The following ZNF678 variants were observed in gnomAD, a reference collection of about 807,000 sequenced individuals.
ZNF678 encodes hypothetical protein MGC42493.
In ZNF678, 5 loss-of-function variants were observed where a neutral mutation model predicts 3.0. The observed-to-expected ratio is 1.69, with a 90% CI of 0.88 to 3.56. ZNF678 has a LOEUF of 3.56. Among genes scored for constraint, ZNF678 ranks in the 30% most tolerant of loss-of-function variants. The probability of loss-of-function intolerance (pLI) is 0.00; values close to 1 mark genes in which losing one functional copy is unlikely to be tolerated. For missense variants in ZNF678, 593 were observed against 605.0 expected, an observed-to-expected ratio of 0.98 and a Z score of 0.21; for synonymous variants, 218 against 199.6, an observed-to-expected ratio of 1.09 and a Z score of -0.78.
In ZNF678 at chr1:227,563,569, T is replaced by C. The variant is rs111500463; in HGVS notation, c.-319T>C. Reference sequence around the variant, plus strand: ...ATCTGGCGGGGCCTTTGTCTTGTGCTCCAGCTGGAGCTTTGGTCCCGTATT... The same window carrying C: ...ATCTGGCGGGGCCTTTGTCTTGTGCCCCAGCTGGAGCTTTGGTCCCGTATT... On this transcript the variant is annotated 5_prime_UTR_variant, in exon 1 of 4. Coordinates refer to ENST00000343776, the MANE Select transcript of ZNF678 (RefSeq NM_001367909.1). 4 of 769,292 alleles carry C rather than the reference T, an allele frequency of 5.2e-6. No individual in the cohort carries two copies. The highest frequency in any genetic ancestry group is 6.0e-6 in the Non-Finnish European group (3 of 501,480). The allele number at this position is 769,292 out of a possible 1,614,324, so 47.7% of individuals were successfully genotyped here.
rs555419560 is a variant in ZNF678, at chr1:227,615,085, A to T, written c.-163-31459A>T. 4.6e-5 allele frequency among the ~76,000 whole-genome samples: 7 copies of T among 152,352 alleles called. No individual in the cohort carries two copies. The South Asian group carries it at 1.4e-3, about 32-fold the overall frequency. The stretch of plus-strand genomic sequence containing the variant: ...GGAACTATAGTACAGAAACATCTTA[A>T]TTATTAGTTACAGCTTGGAATTTGC... On this transcript the variant is annotated intron_variant, in intron 1 of 3. Transcript: ENST00000343776.
intron 1 of ZNF678, among the ~76,000 whole-genome samples, chr1:227,573,831 A>G (rs1443689859): frequency 6.6e-6 from 1 of 152,072 alleles, no homozygotes; most frequent in Non-Finnish European, 1.5e-5. Flanking sequence ...TCCCACTTCT[A>G]CCATCAGATA....
chr1:227,582,330 T>A (rs1289969537), intron 1 of ZNF678, among the ~76,000 whole-genome samples: 1 of 152,084 alleles, frequency 6.6e-6, no homozygotes, highest in Non-Finnish European at 1.5e-5. Context: ...TATATGTGTG[T>A]ATGAGATAGG....
chr1:227,658,320 CT>C lies in ZNF678; in HGVS notation c.*2493del, dbSNP rs1659303229. 2 of 151,968 alleles carry C rather than the reference CT, an allele frequency of 1.3e-5. No homozygotes were observed. Among genetic ancestry groups the C allele is most frequent in the Non-Finnish European group, 2.9e-5 (2 of 67,944 alleles). The allele number at this position is 151,968 out of a possible 1,614,324, so 9.4% of individuals were successfully genotyped here. On this transcript the variant is annotated 3_prime_UTR_variant, in exon 4 of 4. Coordinates refer to ENST00000343776, the MANE Select transcript of ZNF678 (RefSeq NM_001367909.1). ...CAAACACAGGAAAGTGCTAGGTTTCCTGGGGGTATAATAGATGCTCTATAAT... is the reference window on the plus strand; with the variant it reads ...CAAACACAGGAAAGTGCTAGGTTTCCGGGGGTATAATAGATGCTCTATAAT...
downstream of ZNF678, among the ~76,000 whole-genome samples, chr1:227,678,360 G>GT (rs1045816141): frequency 3.8e-4 from 58 of 152,290 alleles, no homozygotes; most frequent in African/African-American, 1.3e-3. Flanking sequence ...AGTAAGACTT[G>GT]TAAGAGTCTG....
intron 1 of ZNF678, among the ~76,000 whole-genome samples, chr1:227,616,522 C>G (rs1019528654): frequency 6.6e-6 from 1 of 152,142 alleles, no homozygotes; most frequent in African/African-American, 2.4e-5. Context: ...GGCCTTCTAC[C>G]TCAGGGAAAT....
chr1:227,571,991 A>G (rs557451759), intron 1 of ZNF678, among the ~76,000 whole-genome samples: 1 of 152,330 alleles, frequency 6.6e-6, no homozygotes, highest in South Asian at 2.1e-4. Context: ...GCAGTGAGCC[A>G]AGATCGCACC....
At chr1:227,577,529 T>C (rs1657016992) in intron 1 of ZNF678, among the ~76,000 whole-genome samples, 1 of 152,234 alleles carries the variant, frequency 6.6e-6, no homozygotes, top group South Asian at 2.1e-4. Flanking sequence ...TGGTTTAAAA[T>C]CTGTTTTGTC....
chr1:227,672,994 T>C (rs1396573985), intron 5 of ZNF678, among the ~76,000 whole-genome samples: 2 of 152,252 alleles, frequency 1.3e-5, no homozygotes, highest in Non-Finnish European at 2.9e-5. Context: ...CCCAGTAGGG[T>C]TGGCTCAACT....
chr1:227,630,435 C>T (rs1363921434), intron 1 of ZNF678, among the ~76,000 whole-genome samples: 3 of 152,156 alleles, frequency 2.0e-5, no homozygotes, highest in South Asian at 2.1e-4. Flanking sequence ...ACTGAGATAC[C>T]GGAGATCACC....
At chr1:227,671,388 GA>G (rs756200880) in intron 5 of ZNF678, among the ~76,000 whole-genome samples, 14 of 150,564 alleles carry the variant, frequency 9.3e-5, no homozygotes, top group Admixed American at 5.3e-4. Context: ...CAATTCTAGA[GA>G]AAAAAAAACA....
intron 1 of ZNF678, among the ~76,000 whole-genome samples, chr1:227,594,366 GTAAGATT>G (rs778372382): frequency 9.9e-5 from 15 of 152,122 alleles, no homozygotes; most frequent in South Asian, 2.1e-4. Flanking sequence ...TGACCATAAG[GTAAGATT>G]TTATGGACTC....
chr1:227,596,331 A>G, intron 1 of ZNF678, among the ~76,000 whole-genome samples: 1 of 152,240 alleles, frequency 6.6e-6, no homozygotes, highest in East Asian at 1.9e-4. Context: ...GAAGAGGTTT[A>G]TTCAACCAGG....
At chr1:227,652,494 T>C (rs4653860) in intron 3 of ZNF678, among the ~76,000 whole-genome samples, 2 of 152,170 alleles carry the variant, frequency 1.3e-5, no homozygotes, top group Admixed American at 1.3e-4. Context: ...ATTTATTGTT[T>C]TATTGGATTC....
chr1:227,622,547 G>T (rs1028002347), intron 1 of ZNF678, among the ~76,000 whole-genome samples: 1 of 152,200 alleles, frequency 6.6e-6, no homozygotes, highest in Non-Finnish European at 1.5e-5. Context: ...GAGTTTGATA[G>T]AGTTTGGCTT....
chr1:227,659,384 T>C lies in ZNF678; in HGVS notation c.*3556T>C, dbSNP rs752984953. 3 of 152,176 alleles carry C rather than the reference T, an allele frequency of 2.0e-5. No individual in the cohort carries two copies. The highest frequency in any genetic ancestry group is 2.0e-4 in the Admixed American group (3 of 15,272). The allele number at this position is 152,176 out of a possible 1,614,324, so 9.4% of individuals were successfully genotyped here. ...AGAGCTTTTGGATTGAAATATTTCC[T>C]TGGTGATTTTGGATGCAAACCTGAT... On this transcript the variant is annotated 3_prime_UTR_variant, in exon 4 of 4. Transcript: ENST00000343776.
intron 1 of ZNF678, among the ~76,000 whole-genome samples, chr1:227,571,812 G>A (rs191817177): frequency 6.2e-4 from 95 of 152,346 alleles, no homozygotes; most frequent in Admixed American, 2.1e-3. Context: ...AGAGGCCGAG[G>A]CAGGTGGATC....
chr1:227,603,804 T>C (rs76021598), intron 1 of ZNF678, among the ~76,000 whole-genome samples: 2,092 of 152,304 alleles, frequency 0.014, 53 homozygotes, highest in African/African-American at 0.047. Context: ...GAAGCCTGAT[T>C]CCATTAACTC....
chr1:227,678,514 C>T (rs1486993873), downstream of ZNF678, among the ~76,000 whole-genome samples: 2 of 152,214 alleles, frequency 1.3e-5, no homozygotes, highest in African/African-American at 4.8e-5. Flanking sequence ...CTTCTGCCTA[C>T]ATCCTAAACA....
Sources: gnomAD v4.1 joint callset for allele counts (sites outside exome capture counted in the v4.1 genomes callset) on GRCh38, gnomAD v4.1.1 for gene constraint, MANE v1.5 for transcripts, NCBI Gene and HGNC (gene_info 2026-07-23, HGNC 2026-07-21) for gene names.